SYN3: variants seen among roughly 807,000 people sequenced by gnomAD.
SYN3 encodes the protein synapsin-3.
In SYN3, 35 loss-of-function variants were observed where a neutral mutation model predicts 65.8. That is an observed-to-expected ratio of 0.53 (90% CI 0.41 to 0.70). The LOEUF is 0.70. Among genes scored for constraint, SYN3 ranks in the 30% least tolerant of loss-of-function variants. The probability of loss-of-function intolerance (pLI) is 0.00; values close to 1 mark genes in which losing one functional copy is unlikely to be tolerated. For synonymous variants in SYN3, 270 were observed against 292.9 expected (o/e 0.92, Z 0.80); for missense variants, 680 against 749.0 (o/e 0.91, Z 1.08).
At position 32,878,518 on chromosome 22, in the gene SYN3, C is replaced by T. The variant is rs527583937; in HGVS notation, c.462-9393G>A. 7.9e-5 allele frequency among the ~76,000 whole-genome samples: 12 copies of T among 152,298 alleles called. 1 individual carries two copies. In the South Asian group the frequency reaches 2.3e-3, roughly 29 times the overall value. ...GCCCCAGCCTAGTCCAGGGTCCATA[C>T]TTCTGAGTGTTGAGTGTTATGTGAT... On this transcript the variant is annotated intron_variant, in intron 4 of 13. Coordinates refer to ENST00000358763, the MANE Select transcript of SYN3 (RefSeq NM_003490.4).
At chr22:32,538,135 G>A in intron 8 of SYN3, 25 bp from the exon 9 acceptor site, 1 of 1,608,642 alleles carries the variant, frequency 6.2e-7, no homozygotes, top group Admixed American at 1.7e-5. Flanking sequence ...ACAACACATT[G>A]AGGGAATTAG....
chr22:32,588,682 C>A (rs2059085578), intron 7 of SYN3, among the ~76,000 whole-genome samples: 1 of 152,146 alleles, frequency 6.6e-6, no homozygotes, highest in Non-Finnish European at 1.5e-5. Context: ...AAGCAACTTG[C>A]CCAAGGACAC....
chr22:32,804,397 C>T (rs2046670344), intron 6 of SYN3, among the ~76,000 whole-genome samples: 1 of 152,206 alleles, frequency 6.6e-6, no homozygotes, highest in African/African-American at 2.4e-5. Context: ...TGTCTATTCT[C>T]GCCCTCAAAC....
At chr22:32,550,709 A>AAAAT (rs1372192103) in intron 7 of SYN3, among the ~76,000 whole-genome samples, 2 of 151,884 alleles carry the variant, frequency 1.3e-5, no homozygotes, top group South Asian at 2.1e-4. Context: ...GCAAAAAAAA[A>AAAAT]AATAAGAATA....
intron 6 of SYN3, among the ~76,000 whole-genome samples, chr22:32,774,272 G>A (rs546407583): frequency 6.4e-4 from 98 of 152,192 alleles, no homozygotes; most frequent in Admixed American, 9.2e-4. Context: ...AATCAAGTTA[G>A]AATGAAGTCA....
chr22:32,945,450 C>T (rs1198962229), intron 3 of SYN3, among the ~76,000 whole-genome samples: 2 of 152,120 alleles, frequency 1.3e-5, no homozygotes, highest in African/African-American at 4.8e-5. Flanking sequence ...AAAGGATTCC[C>T]TATTTAATAA....
chr22:32,626,245 C>T (rs527677118), intron 6 of SYN3, among the ~76,000 whole-genome samples: 1 of 152,256 alleles, frequency 6.6e-6, no homozygotes, highest in East Asian at 1.9e-4. Context: ...TCTTTCCTGC[C>T]ACCCTCCTCT....
chr22:32,633,446 G>A (rs1025390027), intron 6 of SYN3, among the ~76,000 whole-genome samples: 11 of 151,986 alleles, frequency 7.2e-5, no homozygotes, highest in African/African-American at 2.7e-4. Context: ...AAATTTCTCT[G>A]TGGAATAATA....
chr22:32,849,429 A>G (rs775904682), intron 6 of SYN3: 30 of 1,610,680 alleles, frequency 1.9e-5, no homozygotes, highest in Non-Finnish European at 2.4e-5. Flanking sequence ...CTAACCTCTT[A>G]TTGTCTCCTT....
chr22:32,695,250 ACT>A (rs2060719781), intron 6 of SYN3, among the ~76,000 whole-genome samples: 2 of 151,404 alleles, frequency 1.3e-5, no homozygotes, highest in African/African-American at 4.9e-5. Context: ...TCATTAAAAA[ACT>A]CTTACTATGT....
intron 7 of SYN3, among the ~76,000 whole-genome samples, chr22:32,572,975 G>A (rs1478509244): frequency 2.6e-5 from 4 of 152,196 alleles, no homozygotes; most frequent in East Asian, 1.9e-4. Context: ...ATGGTGTCCC[G>A]GAGCTGGCTC....
intron 4 of SYN3, among the ~76,000 whole-genome samples, chr22:32,901,682 C>T (rs143100978): frequency 2.6e-4 from 40 of 152,350 alleles, no homozygotes; most frequent in African/African-American, 9.4e-4. Flanking sequence ...GACAACCCTC[C>T]GAAGTCGGTT....
In SYN3 at chr22:32,891,615, T is replaced by C. The variant is rs150945337; in HGVS notation, c.462-22490A>G. Reference sequence around the variant, plus strand: ...GTTCATATCCTGGACCAGCCATTCCTGCTTAAGCAAGGTGCTTAAACTGTG... The same window carrying C: ...GTTCATATCCTGGACCAGCCATTCCCGCTTAAGCAAGGTGCTTAAACTGTG... On this transcript the variant is annotated intron_variant, in intron 4 of 13. Coordinates refer to ENST00000358763, the MANE Select transcript of SYN3 (RefSeq NM_003490.4). Among the ~76,000 whole-genome samples, 483 of 152,364 alleles carry C rather than the reference T, an allele frequency of 3.2e-3. 7 individuals carry two copies. The highest frequency in any genetic ancestry group is 0.011 in the African/African-American group (468 of 41,586).
At chr22:32,564,280 C>G (rs1411262040) in intron 7 of SYN3, among the ~76,000 whole-genome samples, 7 of 152,138 alleles carry the variant, frequency 4.6e-5, no homozygotes, top group Admixed American at 4.6e-4. Flanking sequence ...TGCCCTGCTA[C>G]AGATGAAGAG....
chr22:33,041,658 A>G (rs1222444929), intron 1 of SYN3, among the ~76,000 whole-genome samples: 1 of 152,134 alleles, frequency 6.6e-6, no homozygotes, highest in African/African-American at 2.4e-5. Flanking sequence ...ATCCTTGCAC[A>G]GTAGCTCACT....
intron 6 of SYN3, among the ~76,000 whole-genome samples, chr22:32,745,697 G>C (rs2044911902): frequency 6.6e-6 from 1 of 152,148 alleles, no homozygotes; most frequent in Non-Finnish European, 1.5e-5. Flanking sequence ...CAGAGGCAGA[G>C]AGAGAAACGG....
intron 4 of SYN3, among the ~76,000 whole-genome samples, chr22:32,885,317 T>G (rs2049258348): frequency 6.6e-6 from 1 of 152,202 alleles, no homozygotes; most frequent in Non-Finnish European, 1.5e-5. Flanking sequence ...AATCAGAGGC[T>G]CAATGTCAGA....
At chr22:32,825,657 CAAAAAAAAAAAAAAAAAAAAAAAAAA>C (rs130292) in intron 6 of SYN3, among the ~76,000 whole-genome samples, 4 of 28,560 alleles carry the variant, frequency 1.4e-4, no homozygotes, top group African/African-American at 5.2e-4. Context: ...GTTTCCATCT[CAAAAAAAAAAAAAAAAAAAAAAAAAA>C]AAAAAAAAAA....
intron 7 of SYN3, among the ~76,000 whole-genome samples, chr22:32,566,784 C>A (rs1460170612): frequency 2.0e-5 from 3 of 152,066 alleles, no homozygotes; most frequent in Non-Finnish European, 4.4e-5. Flanking sequence ...TTATTCTTTT[C>A]AAATCTAAAT....
Sources: gnomAD v4.1 joint callset for allele counts (sites outside exome capture counted in the v4.1 genomes callset) on GRCh38, gnomAD v4.1.1 for gene constraint, MANE v1.5 for transcripts, NCBI Gene and HGNC (gene_info 2026-07-23, HGNC 2026-07-21) for gene names.